The following FLT3 variants were observed in gnomAD, a reference collection of about 807,000 sequenced individuals.
The protein encoded by FLT3 is receptor-type tyrosine-protein kinase FLT3.
In FLT3, 46 loss-of-function variants were observed where a neutral mutation model predicts 126.6. The ratio of observed to expected loss-of-function variants is 0.36; its 90% CI spans 0.29 to 0.46. FLT3 has a LOEUF of 0.46. Ranked by LOEUF, FLT3 falls within the 20% of genes least tolerant of loss-of-function variation. The pLI is 1.00. For synonymous variants in FLT3, 404 were observed against 434.4 expected (o/e 0.93, Z 0.87); for missense variants, 1,069 against 1,190.3 (o/e 0.90, Z 1.50).
intron 1 of FLT3, among the ~76,000 whole-genome samples, chr13:28,083,524 C>T (rs1246004946): frequency 2.0e-5 from 3 of 152,136 alleles, no homozygotes; most frequent in African/African-American, 4.8e-5. Context: ...AGAAGTGTCG[C>T]CTTCTCTTCA....
intron 1 of FLT3, among the ~76,000 whole-genome samples, chr13:28,080,113 T>C (rs9581980): frequency 2.0e-5 from 3 of 152,070 alleles, no homozygotes; most frequent in Non-Finnish European, 1.5e-5. Flanking sequence ...CGGTGGCTCA[T>C]GCCTGTAATC....
chr13:28,034,886 G>A (rs1244861739), intron 12 of FLT3, among the ~76,000 whole-genome samples: 1 of 151,742 alleles, frequency 6.6e-6, no homozygotes, highest in Non-Finnish European at 1.5e-5. Context: ...CCCTGGCAGA[G>A]GTGAGCCAAG....
intron 1 of FLT3, among the ~76,000 whole-genome samples, chr13:28,079,128 G>T (rs1193726783): frequency 2.6e-5 from 4 of 152,126 alleles, no homozygotes; most frequent in East Asian, 1.9e-4. Flanking sequence ...TGAATGTGTT[G>T]CTGCTTAGAA....
chr13:28,063,039 T>TAAAA (rs1876708717), intron 2 of FLT3, among the ~76,000 whole-genome samples: 1 of 148,964 alleles, frequency 6.7e-6, no homozygotes. Flanking sequence ...TAGGTAAATA[T>TAAAA]TTTTGTGATT....
intron 1 of FLT3, among the ~76,000 whole-genome samples, chr13:28,080,660 T>A (rs550177965): frequency 1.3e-5 from 2 of 152,368 alleles, no homozygotes; most frequent in African/African-American, 4.8e-5. Flanking sequence ...ATCTTGAAGA[T>A]GTCCAATTTA....
chr13:28,019,547 T>G (rs931559223), intron 19 of FLT3, among the ~76,000 whole-genome samples: 18 of 152,174 alleles, frequency 1.2e-4, no homozygotes, highest in African/African-American at 3.9e-4. Context: ...CCATGAACAC[T>G]GGCAGCCCTG....
chr13:28,091,180 T>C (rs1879005890), intron 1 of FLT3, among the ~76,000 whole-genome samples: 1 of 142,746 alleles, frequency 7.0e-6, no homozygotes, highest in Non-Finnish European at 1.5e-5. Flanking sequence ...TTTGAGCAAC[T>C]CATTTATCCT....
At chr13:28,042,902 C>T (rs1027837230) in intron 9 of FLT3, among the ~76,000 whole-genome samples, 2 of 151,872 alleles carry the variant, frequency 1.3e-5, no homozygotes, top group Non-Finnish European at 2.9e-5. Context: ...CAACTCCTCT[C>T]CCAGGCTCCA....
chr13:28,029,145 CTT>C (rs1294056874), intron 15 of FLT3, among the ~76,000 whole-genome samples: 1 of 152,144 alleles, frequency 6.6e-6, no homozygotes, highest in African/African-American at 2.4e-5. Context: ...AATCCCAACA[CTT>C]TGGGAGGCCA....
intron 2 of FLT3, among the ~76,000 whole-genome samples, chr13:28,065,635 T>G (rs1876950639): frequency 1.5e-5 from 2 of 134,412 alleles, no homozygotes; most frequent in African/African-American, 5.8e-5. Context: ...GAGCGAGATC[T>G]TGTCTCAAAG....
At chr13:28,057,780 C>T (rs1269412271) in intron 3 of FLT3, among the ~76,000 whole-genome samples, 2 of 152,168 alleles carry the variant, frequency 1.3e-5, no homozygotes, top group Non-Finnish European at 2.9e-5. Flanking sequence ...TGGCTCATAC[C>T]TGTAATCTCA....
At position 28,003,375 on chromosome 13, in the gene FLT3, A is replaced by G. The variant is rs541180659; in HGVS notation, c.*677T>C. On this transcript the variant is annotated 3_prime_UTR_variant, in exon 24 of 24. Coordinates refer to ENST00000241453, the MANE Select transcript of FLT3 (RefSeq NM_004119.3). ...CGCCAAAGTGTCTAGGTGATGTATT[A>G]CTCTTTATGGTAGAACACCTATTCA... The G allele has an allele frequency of 3.9e-4, 90 of 233,358 alleles. No homozygotes were observed. The highest frequency in any genetic ancestry group is 6.4e-4 in the Non-Finnish European group (76 of 118,146). 14.5% of individuals were successfully genotyped at this position (233,358 alleles called of 1,614,324 possible).
At chr13:28,035,101 CT>C (rs141163716) in intron 12 of FLT3, among the ~76,000 whole-genome samples, 1,839 of 152,282 alleles carry the variant, frequency 0.012, 35 homozygotes, top group African/African-American at 0.042. Flanking sequence ...GGTTTCACAA[CT>C]GTTTAACTTA....
chr13:28,034,680 C>A (rs950723831), intron 12 of FLT3, among the ~76,000 whole-genome samples: 1 of 152,168 alleles, frequency 6.6e-6, no homozygotes, highest in Non-Finnish European at 1.5e-5. Flanking sequence ...CTGGTCCAGG[C>A]ACGATGGCTC....
intron 1 of FLT3, among the ~76,000 whole-genome samples, chr13:28,089,531 A>G (rs1025818717): frequency 6.6e-6 from 1 of 152,120 alleles, no homozygotes; most frequent in African/African-American, 2.4e-5. Flanking sequence ...CAGCACCAGA[A>G]AGAAAAAATT....
rs530572722 is a variant in FLT3 at position 28,044,557 on chromosome 13, C to T, written c.1205+3718G>A. Among the ~76,000 whole-genome samples the T allele has an allele frequency of 4.6e-5, 7 of 152,152 alleles. No homozygotes were observed. The East Asian group carries it at 1.4e-3, about 29-fold the overall frequency. On this transcript the variant is annotated intron_variant, in intron 9 of 23. Transcript: ENST00000241453. ...AGAGCCTCATGTGGAGAGAAAAAGA[C>T]ATTTAGAGCACTCAGAGGCGTGTTC... is the stretch of plus-strand genomic sequence containing the variant.
chr13:28,069,781 C>A (rs774790742), intron 2 of FLT3, among the ~76,000 whole-genome samples: 1 of 152,020 alleles, frequency 6.6e-6, no homozygotes, highest in African/African-American at 2.4e-5. Context: ...GCATTTGCAT[C>A]GTATTAGGTA....
intron 4 of FLT3, among the ~76,000 whole-genome samples, chr13:28,056,610 G>A (rs189344621): frequency 6.6e-6 from 1 of 152,304 alleles, no homozygotes; most frequent in African/African-American, 2.4e-5. Context: ...CACGCAGGTG[G>A]TGCCTCTGCC....
chr13:28,075,801 ATT>A (rs34694672), intron 1 of FLT3, among the ~76,000 whole-genome samples: 18 of 146,234 alleles, frequency 1.2e-4, no homozygotes, highest in African/African-American at 4.5e-4. Flanking sequence ...TCTCTTAGCA[ATT>A]TTTTTTTTTT....
Sources: allele counts gnomAD v4.1 joint callset (sites outside exome capture counted in the v4.1 genomes callset), GRCh38; gene constraint gnomAD v4.1.1; transcripts MANE v1.5; gene names NCBI Gene and HGNC (gene_info 2026-07-23, HGNC 2026-07-21).